The following NRDC variants were observed in gnomAD, a reference collection of about 807,000 sequenced individuals.
The protein encoded by NRDC is nardilysin.
NRDC carries 54 observed loss-of-function variants against 147.1 expected under a neutral mutation model. The observed-to-expected ratio is 0.37, with a 90% CI of 0.29 to 0.46. NRDC has a LOEUF of 0.46. Ranked by LOEUF, NRDC falls within the 20% of genes least tolerant of loss-of-function variation. The pLI, the probability that NRDC is intolerant of heterozygous loss-of-function variation, is 1.00. For missense variants in NRDC, 1,082 were observed against 1,370.6 expected, an observed-to-expected ratio of 0.79 and a Z score of 3.33; for synonymous variants, 440 against 482.1, an observed-to-expected ratio of 0.91 and a Z score of 1.14.
chr1:51,853,644 G>C (rs868648585), intron 1 of NRDC, among the ~76,000 whole-genome samples: 7 of 152,200 alleles, frequency 4.6e-5, no homozygotes, highest in African/African-American at 1.4e-4. Flanking sequence ...TAGCTGTCTA[G>C]CAGAAAAGAA....
chr1:51,860,086 A>G (rs1682454888), intron 1 of NRDC: 1 of 176,912 alleles, frequency 5.7e-6, no homozygotes. Context: ...ATTATAAATT[A>G]ACTGATGGAT....
chr1:51,836,583 C>A, intron 2 of NRDC: 1 of 667,494 alleles, frequency 1.5e-6, no homozygotes. Context: ...GCGGAAGTAA[C>A]ATATCTAGAT....
intron 1 of NRDC, among the ~76,000 whole-genome samples, chr1:51,845,684 A>G (rs941421625): frequency 2.0e-5 from 3 of 152,206 alleles, no homozygotes; most frequent in Non-Finnish European, 4.4e-5. Flanking sequence ...GCCCATTTCT[A>G]TTCTCTTTTA....
intron 3 of NRDC, among the ~76,000 whole-genome samples, chr1:51,834,591 C>T (rs1398490895): frequency 1.3e-5 from 2 of 152,116 alleles, no homozygotes. Flanking sequence ...GCTGGGATTA[C>T]AGGCGTGAGC....
intron 2 of NRDC, among the ~76,000 whole-genome samples, chr1:51,839,012 ATTACTCAATCCAACAAC>A (rs1261708062): frequency 6.6e-6 from 1 of 152,192 alleles, no homozygotes; most frequent in African/African-American, 2.4e-5. Flanking sequence ...TCTTAAAAAT[ATTACTCAATCCAACAAC>A]TTAGTAAAAA....
rs775736843 is a variant in NRDC at position 51,790,557 on chromosome 1, G to A, written c.3144C>T (p.Tyr1048=). 1 of 1,613,308 alleles carries A rather than the reference G, an allele frequency of 6.2e-7. No individual in the cohort carries two copies. The highest frequency in any genetic ancestry group is 1.1e-5 in the South Asian group (1 of 91,072). Residue 1048 remains tyrosine (Y), a synonymous_variant, in exon 29 of 31, where the codon TAC becomes TAT. Coordinates refer to ENST00000352171, the MANE Select transcript of NRDC (RefSeq NM_001101662.2). The part of the protein sequence containing the change: ...RNWNEVVTQQ[Y]LFDRLAHEIE... ...CCTCGTGGGCAAGGCGGTCAAAGAG[G>A]TACTGCTGTGTAACCACTTCATTCC...
intron 1 of NRDC, among the ~76,000 whole-genome samples, chr1:51,868,681 G>C (rs1682938340): frequency 6.6e-6 from 1 of 152,036 alleles, no homozygotes. Flanking sequence ...AGGAATTCGA[G>C]ACCAGGCTGG....
chr1:51,791,727 T>A, intron 26 of NRDC, 66 bp from the exon 27 acceptor site: 1 of 1,288,088 alleles, frequency 7.8e-7, no homozygotes, highest in Non-Finnish European at 1.1e-6. Context: ...TTGGAGGCAC[T>A]AGATAGGAGT....
chr1:51,868,225 G>A (rs768484753), intron 1 of NRDC, among the ~76,000 whole-genome samples: 1 of 151,886 alleles, frequency 6.6e-6, no homozygotes, highest in Non-Finnish European at 1.5e-5. Context: ...ATATGAAATC[G>A]CTTGGAAAAA....
rs1297417126 is a variant in NRDC, at chr1:51,794,390, C to CTA, written c.2775+80_2775+81dup. 5.1e-6 allele frequency: 7 copies of CTA among 1,383,150 alleles called. No individual in the cohort carries two copies. The African/African-American group carries it at 8.6e-5, about 17-fold the overall frequency. The allele number at this position is 1,383,150 out of a possible 1,614,324, so 85.7% of individuals were successfully genotyped here. ...CCCAAGCATGAAACTACAGAAGTAACTATAAAAGGGCCTTGAAGGTCACGG... is the reference window on the plus strand; with the variant it reads ...CCCAAGCATGAAACTACAGAAGTAACTATATAAAAGGGCCTTGAAGGTCACGG... On this transcript the variant is annotated intron_variant, in intron 24 of 30. Transcript: ENST00000352171.
chr1:51,867,067 T>G (rs947598428), intron 1 of NRDC, among the ~76,000 whole-genome samples: 1 of 152,092 alleles, frequency 6.6e-6, no homozygotes, highest in African/African-American at 2.4e-5. Context: ...CTCAAACTCC[T>G]GGGCTCCTGC....
chr1:51,872,834 T>A (rs1214108969), intron 1 of NRDC, among the ~76,000 whole-genome samples: 3 of 152,208 alleles, frequency 2.0e-5, no homozygotes, highest in Non-Finnish European at 4.4e-5. Context: ...CTTTGTTAAA[T>A]GAGTTTGAAT....
intron 1 of NRDC, among the ~76,000 whole-genome samples, chr1:51,877,056 C>T (rs773338614): frequency 3.9e-5 from 6 of 152,178 alleles, no homozygotes; most frequent in South Asian, 2.1e-4. Flanking sequence ...GGCGTGGTGG[C>T]GAGCACCTGT....
intron 29 of NRDC, among the ~76,000 whole-genome samples, chr1:51,790,327 G>A (rs1399891228): frequency 2.6e-5 from 4 of 152,194 alleles, no homozygotes; most frequent in African/African-American, 9.7e-5. Flanking sequence ...TGGTGGTGGT[G>A]TGGTAAGGAT....
intron 1 of NRDC, among the ~76,000 whole-genome samples, chr1:51,864,865 G>A (rs530002960): frequency 6.6e-6 from 1 of 151,278 alleles, no homozygotes; most frequent in African/African-American, 2.4e-5. Context: ...GGTGGGAGTC[G>A]CTTGAACCCG....
chr1:51,840,159 AT>A (rs1681192985), intron 2 of NRDC, 66 bp downstream of exon 2: 3 of 1,297,870 alleles, frequency 2.3e-6, no homozygotes, highest in African/African-American at 1.5e-5. Flanking sequence ...CCATTAAAAA[AT>A]AAAGCTTGAG....
intron 18 of NRDC, among the ~76,000 whole-genome samples, 153 bp downstream of exon 18, chr1:51,806,641 G>T (rs1300424094): frequency 1.3e-5 from 2 of 152,204 alleles, no homozygotes; most frequent in Non-Finnish European, 2.9e-5. Flanking sequence ...TAGGGAGGGT[G>T]AGAGGGCATC....
At position 51,825,312 on chromosome 1, in the gene NRDC, T is replaced by C. The variant is rs11205896; in HGVS notation, c.1011A>G (p.Gly337=). The change falls in exon 6 of 31, where the codon GGA becomes GGG. Residue 337 remains glycine, a synonymous_variant. Transcript: ENST00000352171. The part of the protein sequence containing the change: ...EMLFGSLARP[G]HPMGKFFWGN... Reference sequence around the variant, plus strand: ...CCCAAAAAAATTTTCCCATAGGATGTCCAGGTCTAGCAAGGCTTCCAAACA... The same window carrying C: ...CCCAAAAAAATTTTCCCATAGGATGCCCAGGTCTAGCAAGGCTTCCAAACA... The C allele has an allele frequency of 2.1e-5, 34 of 1,599,794 alleles. No individual in the cohort carries two copies. Among genetic ancestry groups the C allele is most frequent in the Non-Finnish European group, 2.8e-5 (33 of 1,176,120 alleles).
At chr1:51,802,444 C>A (rs1329984544) in intron 20 of NRDC, among the ~76,000 whole-genome samples, 2 of 151,996 alleles carry the variant, frequency 1.3e-5, no homozygotes, top group African/African-American at 4.8e-5. Flanking sequence ...AAATACTTTT[C>A]CATGGTTTGT....
Sources: gnomAD v4.1 joint callset for allele counts (sites outside exome capture counted in the v4.1 genomes callset) on GRCh38, gnomAD v4.1.1 for gene constraint, MANE v1.5 for transcripts, NCBI Gene and HGNC (gene_info 2026-07-23, HGNC 2026-07-21) for gene names.